The following FGF14 variants were observed in gnomAD, a reference collection of about 807,000 sequenced individuals.
FGF14 encodes fibroblast growth factor 14.
A neutral mutation model predicts 25.5 loss-of-function variants in FGF14; 5 were observed. The ratio of observed to expected loss-of-function variants is 0.20; its 90% CI spans 0.10 to 0.41. The LOEUF (loss-of-function observed/expected upper bound fraction) is 0.41, where lower values mean the gene tolerates loss of function less well. Ranked by LOEUF, FGF14 falls within the 10% of genes least tolerant of loss-of-function variation. The pLI is 1.00. For synonymous variants in FGF14, 138 were observed against 118.3 expected (o/e 1.17, Z -1.08); for missense variants, 222 against 320.1 (o/e 0.69, Z 2.34).
chr13:102,043,328 A>G (rs2041831926), intron 1 of FGF14, among the ~76,000 whole-genome samples: 1 of 152,102 alleles, frequency 6.6e-6, no homozygotes, highest in African/African-American at 2.4e-5. Flanking sequence ...AAAGCCACTA[A>G]CCACTCAGAT....
chr13:101,949,789 A>T (rs2036039418), intron 1 of FGF14, among the ~76,000 whole-genome samples: 2 of 152,170 alleles, frequency 1.3e-5, no homozygotes, highest in Admixed American at 1.3e-4. Flanking sequence ...AATCTCATTC[A>T]TTGTGGCAAT....
intron 1 of FGF14, among the ~76,000 whole-genome samples, chr13:102,351,534 T>C (rs1032178309): frequency 6.6e-6 from 1 of 152,238 alleles, no homozygotes; most frequent in Admixed American, 6.5e-5. Context: ...ACAACAAAGA[T>C]GTATTATCTG....
chr13:102,022,614 C>T (rs2040717444), intron 1 of FGF14, among the ~76,000 whole-genome samples: 1 of 151,932 alleles, frequency 6.6e-6, no homozygotes, highest in Non-Finnish European at 1.5e-5. Context: ...CTCACATGGC[C>T]AATACATTTA....
intron 3 of FGF14, among the ~76,000 whole-genome samples, chr13:101,751,464 T>TC (rs2037268905): frequency 6.6e-6 from 1 of 151,990 alleles, no homozygotes; most frequent in Non-Finnish European, 1.5e-5. Context: ...CTGCAAAGGC[T>TC]CCCCCACTGA....
chr13:102,221,237 C>T (rs895927852), intron 1 of FGF14, among the ~76,000 whole-genome samples: 2 of 151,924 alleles, frequency 1.3e-5, no homozygotes, highest in Non-Finnish European at 2.9e-5. Flanking sequence ...CAAAAGAGAA[C>T]TAAATTTGGG....
rs188037141 is a variant in FGF14 at position 101,724,521 on chromosome 13, A to G, written c.608-1554T>C. 3.4e-4 allele frequency among the ~76,000 whole-genome samples: 52 copies of G among 150,796 alleles called. 1 individual carries two copies. Among genetic ancestry groups the G allele is most frequent in the African/African-American group, 1.1e-3 (44 of 41,122 alleles). On this transcript the variant is annotated intron_variant, in intron 4 of 4. Coordinates refer to ENST00000376143, the MANE Select transcript of FGF14 (RefSeq NM_004115.4). ...ACAAGTTACTGGGTGCAGCACACCA[A>G]CATGGCACATGTATACATATGTCAC...
intron 1 of FGF14, among the ~76,000 whole-genome samples, chr13:102,211,583 T>G (rs2050162798): frequency 6.6e-6 from 1 of 152,236 alleles, no homozygotes; most frequent in Non-Finnish European, 1.5e-5. Flanking sequence ...GCTTAGTACA[T>G]CTTTTGCTAC....
At chr13:101,817,237 A>G (rs1209356104) in intron 3 of FGF14, among the ~76,000 whole-genome samples, 3 of 152,212 alleles carry the variant, frequency 2.0e-5, no homozygotes, top group Non-Finnish European at 4.4e-5. Flanking sequence ...TTTATTTTAT[A>G]TAATCATTGC....
At chr13:102,371,271 TTCTAC>T (rs749470959) in intron 1 of FGF14, among the ~76,000 whole-genome samples, 24 of 152,306 alleles carry the variant, frequency 1.6e-4, no homozygotes, top group Non-Finnish European at 2.8e-4. Flanking sequence ...ACTCTGTACA[TTCTAC>T]CCTGTTTCCA....
chr13:102,095,314 G>T (rs2044342570), intron 1 of FGF14, among the ~76,000 whole-genome samples: 1 of 152,114 alleles, frequency 6.6e-6, no homozygotes, highest in Non-Finnish European at 1.5e-5. Flanking sequence ...ACTTGATGGA[G>T]ACGACTGCTT....
intron 1 of FGF14, chr13:102,393,749 A>G (rs1423619295): frequency 6.6e-6 from 1 of 152,206 alleles, no homozygotes; most frequent in African/African-American, 2.4e-5. Context: ...CAAGGCTCAA[A>G]GCTTCTACCT....
At chr13:101,950,835 A>G (rs2036122556) in intron 1 of FGF14, among the ~76,000 whole-genome samples, 1 of 148,190 alleles carries the variant, frequency 6.7e-6, no homozygotes, top group South Asian at 2.2e-4. Context: ...AGAAAATGGT[A>G]GTTCAAGTGG....
intron 1 of FGF14, among the ~76,000 whole-genome samples, chr13:102,057,628 T>C (rs939871983): frequency 2.0e-5 from 3 of 152,186 alleles, no homozygotes; most frequent in African/African-American, 7.2e-5. Flanking sequence ...AAATATTTGT[T>C]GAGTAAATAG....
chr13:101,812,359 A>AT (rs1329315434), intron 3 of FGF14, among the ~76,000 whole-genome samples: 139 of 152,090 alleles, frequency 9.1e-4, no homozygotes, highest in African/African-American at 2.8e-3. Flanking sequence ...GGTAAATAAT[A>AT]CATCTTCATG....
intron 1 of FGF14, among the ~76,000 whole-genome samples, chr13:102,291,584 C>T (rs1227372133): frequency 1.3e-5 from 2 of 151,998 alleles, no homozygotes; most frequent in African/African-American, 4.8e-5. Context: ...TTTTTTAGAA[C>T]CAGAAAAATC....
In FGF14 at chr13:102,202,101, T is replaced by G. The variant is rs1418936559; in HGVS notation, c.208+199370A>C. On this transcript the variant is annotated intron_variant, in intron 1 of 4. Transcript: ENST00000376131. Reference sequence around the variant, plus strand: ...GTGAAGTGCTGCCTCCCCCTTCGCCTTCACCGCGACTGTAAGTTCCCTGAG... The same window carrying G: ...GTGAAGTGCTGCCTCCCCCTTCGCCGTCACCGCGACTGTAAGTTCCCTGAG... 3.3e-5 allele frequency among the ~76,000 whole-genome samples: 5 copies of G among 152,170 alleles called. No homozygotes were observed. In the East Asian group the frequency reaches 9.6e-4, roughly 29 times the overall value.
intron 1 of FGF14, among the ~76,000 whole-genome samples, chr13:102,019,873 T>A (rs568636654): frequency 2.0e-5 from 3 of 152,182 alleles, no homozygotes; most frequent in Non-Finnish European, 2.9e-5. Context: ...AGAGGGTTAT[T>A]CTATTCAACG....
chr13:102,269,203 A>C (rs1210387335), intron 1 of FGF14, among the ~76,000 whole-genome samples: 1 of 152,244 alleles, frequency 6.6e-6, no homozygotes, highest in Non-Finnish European at 1.5e-5. Context: ...CCAACTGGAC[A>C]TATGCAAATT....
Position 102,360,576 on chromosome 13 carries a change from G to C in FGF14, c.208+40895C>G, listed in dbSNP as rs1402405588. ...CTTGGTAAAATGATTACCCTTAAGA[G>C]ATAGTACAAGATGAAAATATAAACT... On this transcript the variant is annotated intron_variant, in intron 1 of 4. Coordinates refer to the FGF14 transcript ENST00000376131. Among the ~76,000 whole-genome samples, 4 of 152,134 alleles carry C rather than the reference G, an allele frequency of 2.6e-5. No individual in the cohort carries two copies. In the East Asian group the frequency reaches 7.7e-4, roughly 29 times the overall value.
Sources: allele counts gnomAD v4.1 joint callset (sites outside exome capture counted in the v4.1 genomes callset), GRCh38; gene constraint gnomAD v4.1.1; transcripts MANE v1.5; gene names NCBI Gene and HGNC (gene_info 2026-07-23, HGNC 2026-07-21).